The following PRKD1 variants were observed in gnomAD, a reference collection of about 807,000 sequenced individuals.
The protein encoded by PRKD1 is serine/threonine-protein kinase D1.
Under a neutral mutation model 95.9 loss-of-function variants are expected in PRKD1, and 63 were observed. The ratio of observed to expected loss-of-function variants is 0.66; its 90% confidence interval spans 0.54 to 0.81. The LOEUF (loss-of-function observed/expected upper bound fraction) is 0.81. Ranked by LOEUF, PRKD1 falls within the 30% of genes least tolerant of loss-of-function variation. The probability of loss-of-function intolerance (pLI) is 0.00; values close to 1 mark genes in which losing one functional copy is unlikely to be tolerated. For missense variants in PRKD1, 1,048 were observed against 1,165.3 expected (o/e 0.90, Z 1.47); for synonymous variants, 425 against 423.1 (o/e 1.00, Z -0.05).
At chr14:29,685,436 T>G (rs1266684511) in intron 2 of PRKD1, among the ~76,000 whole-genome samples, 1 of 152,182 alleles carries the variant, frequency 6.6e-6, no homozygotes. Context: ...CTGAAAATCT[T>G]TATATTGGTG....
intron 1 of PRKD1, among the ~76,000 whole-genome samples, chr14:29,773,459 CAAAAA>C (rs397798361): frequency 1.2e-5 from 1 of 86,812 alleles, no homozygotes; most frequent in Non-Finnish European, 2.5e-5. Context: ...GGCTCTGTCT[CAAAAA>C]AAAAAAAAAA....
intron 11 of PRKD1, among the ~76,000 whole-genome samples, chr14:29,627,862 A>T (rs1427129858): frequency 1.3e-5 from 2 of 152,318 alleles, no homozygotes; most frequent in East Asian, 3.9e-4. Flanking sequence ...GGACAAGACA[A>T]GTAATATTAA....
chr14:29,687,390 A>G (rs1279073958), intron 2 of PRKD1, among the ~76,000 whole-genome samples: 1 of 152,204 alleles, frequency 6.6e-6, no homozygotes, highest in Non-Finnish European at 1.5e-5. Context: ...GAAAAGGGGA[A>G]AATAATGAAA....
chr14:29,845,736 G>A (rs1892054175), intron 1 of PRKD1, among the ~76,000 whole-genome samples: 2 of 152,150 alleles, frequency 1.3e-5, no homozygotes, highest in South Asian at 4.1e-4. Flanking sequence ...ATACGTTAAT[G>A]TTCATAGAAT....
chr14:29,927,513 C>T lies in PRKD1; in HGVS notation c.-1G>A, dbSNP rs1895353869. On this transcript the variant is annotated 5_prime_UTR_variant, in exon 1 of 18. Coordinates refer to ENST00000331968, the MANE Select transcript of PRKD1 (RefSeq NM_002742.3). Reference sequence around the variant, plus strand: ...GCCGCAGGACCGGAGGGGCGCTCATCGCTCGGCGGGGCGCAGGGCCGGGCA... The same window carrying T: ...GCCGCAGGACCGGAGGGGCGCTCATTGCTCGGCGGGGCGCAGGGCCGGGCA... 5 of 1,184,316 alleles carry T rather than the reference C, an allele frequency of 4.2e-6. No individual in the cohort carries two copies. The highest frequency in any genetic ancestry group is 5.2e-6 in the Non-Finnish European group (5 of 959,892). 73.4% of individuals were successfully genotyped at this position (1,184,316 alleles called of 1,614,324 possible). A position where few individuals can be genotyped will look rare whatever the true frequency, so the allele number is the denominator to read the frequency against.
At chr14:29,620,309 G>T (rs552124527) in intron 13 of PRKD1, among the ~76,000 whole-genome samples, 1 of 151,816 alleles carries the variant, frequency 6.6e-6, no homozygotes, top group African/African-American at 2.4e-5. Flanking sequence ...GGCAACAAAA[G>T]CCAAAATTGA....
intron 1 of PRKD1, among the ~76,000 whole-genome samples, chr14:29,902,518 T>C (rs1019038408): frequency 3.3e-5 from 5 of 152,212 alleles, no homozygotes; most frequent in African/African-American, 1.2e-4. Context: ...TCATTCACTA[T>C]TTTTTGGTTT....
chr14:29,809,615 T>C (rs1890394387), intron 1 of PRKD1, among the ~76,000 whole-genome samples: 2 of 152,228 alleles, frequency 1.3e-5, no homozygotes, highest in Admixed American at 1.3e-4. Context: ...TCTGTTAGCT[T>C]TCAACTTTTC....
intron 16 of PRKD1, among the ~76,000 whole-genome samples, chr14:29,595,594 T>G (rs28529059): frequency 8.9e-4 from 135 of 152,324 alleles, no homozygotes; most frequent in African/African-American, 3.1e-3. Context: ...CTAGTGATAA[T>G]TAAAAGTTCA....
chr14:29,592,986 A>C (rs1249858746), intron 16 of PRKD1, among the ~76,000 whole-genome samples: 1 of 152,226 alleles, frequency 6.6e-6, no homozygotes, highest in Non-Finnish European at 1.5e-5. Flanking sequence ...GGATAAGAGC[A>C]TCTGCCTTGG....
intron 1 of PRKD1, among the ~76,000 whole-genome samples, chr14:29,808,431 C>CTTTTTTT (rs1566612806): frequency 1.5e-4 from 10 of 65,758 alleles, no homozygotes; most frequent in African/African-American, 1.8e-4. Flanking sequence ...GGGAGTTTTG[C>CTTTTTTT]TCTTGTCGCC....
At chr14:29,792,955 C>T (rs1405194605) in intron 1 of PRKD1, among the ~76,000 whole-genome samples, 3 of 151,892 alleles carry the variant, frequency 2.0e-5, no homozygotes, top group Non-Finnish European at 2.9e-5. Flanking sequence ...AAATAAAATG[C>T]ATTCAAAAGC....
intron 1 of PRKD1, among the ~76,000 whole-genome samples, chr14:29,805,449 T>C (rs951429068): frequency 1.3e-5 from 2 of 152,196 alleles, no homozygotes; most frequent in African/African-American, 4.8e-5. Flanking sequence ...GGGATATCAA[T>C]AGGTGTTGCC....
intron 1 of PRKD1, among the ~76,000 whole-genome samples, chr14:29,770,887 G>A (rs1205520450): frequency 2.2e-5 from 3 of 138,800 alleles, no homozygotes; most frequent in African/African-American, 5.6e-5. Flanking sequence ...AGCCATGATC[G>A]TGCCACTGCA....
intron 1 of PRKD1, among the ~76,000 whole-genome samples, chr14:29,917,365 T>C (rs1894926743): frequency 6.6e-6 from 1 of 152,202 alleles, no homozygotes; most frequent in African/African-American, 2.4e-5. Flanking sequence ...AACAGATTAA[T>C]CTTAATAATT....
intron 13 of PRKD1, among the ~76,000 whole-genome samples, chr14:29,611,452 A>G (rs1410740982): frequency 2.6e-5 from 4 of 151,634 alleles, no homozygotes; most frequent in Non-Finnish European, 5.9e-5. Flanking sequence ...TGAATTCGAT[A>G]CTGTAATTTT....
chr14:29,601,307 T>C (rs1363442581), intron 13 of PRKD1, among the ~76,000 whole-genome samples: 2 of 152,338 alleles, frequency 1.3e-5, no homozygotes, highest in African/African-American at 4.8e-5. Context: ...GAGTCCTTTT[T>C]CTACTTTGCC....
intron 1 of PRKD1, among the ~76,000 whole-genome samples, chr14:29,746,845 T>G (rs1028645649): frequency 5.9e-5 from 9 of 152,300 alleles, no homozygotes; most frequent in East Asian, 1.9e-4. Flanking sequence ...CTTTATTGAT[T>G]TGGAGAATAT....
chr14:29,704,846 G>A (rs886498687), intron 2 of PRKD1, among the ~76,000 whole-genome samples: 2 of 152,052 alleles, frequency 1.3e-5, no homozygotes, highest in South Asian at 2.1e-4. Flanking sequence ...AAGAACAGAC[G>A]CATGTATCTA....
Sources: allele counts gnomAD v4.1 joint callset (sites outside exome capture counted in the v4.1 genomes callset), GRCh38; gene constraint gnomAD v4.1.1; transcripts MANE v1.5; gene names NCBI Gene and HGNC (gene_info 2026-07-23, HGNC 2026-07-21).